ZMYM2: variants seen among roughly 807,000 people sequenced by gnomAD.
ZMYM2 encodes the protein zinc finger MYM-type protein 2.
A neutral mutation model predicts 162.8 loss-of-function variants in ZMYM2; 56 were observed. That is an observed-to-expected ratio of 0.34 (90% CI 0.28 to 0.43). The LOEUF (loss-of-function observed/expected upper bound fraction) is 0.43, where lower values mean the gene tolerates loss of function less well. ZMYM2 is among the 20% of genes least tolerant of loss of function. The pLI, the probability that ZMYM2 is intolerant of heterozygous loss-of-function variation, is 1.00. For synonymous variants in ZMYM2, 510 were observed against 541.6 expected (o/e 0.94, Z 0.81); for missense variants, 1,275 against 1,621.8 (o/e 0.79, Z 3.67).
At chr13:20,000,305 A>C (rs1294820973) in intron 3 of ZMYM2, among the ~76,000 whole-genome samples, 3 of 152,246 alleles carry the variant, frequency 2.0e-5, no homozygotes, top group Non-Finnish European at 4.4e-5. Flanking sequence ...GAAATAAGTC[A>C]TCTCCATAAC....
the ZMYM2 span, among the ~76,000 whole-genome samples, chr13:19,880,495 C>T: frequency 6.6e-6 from 1 of 152,046 alleles, no homozygotes; most frequent in Non-Finnish European, 1.5e-5. Context: ...GTGCCGCGAT[C>T]TCGGCTCACC....
chr13:19,993,039 T>TG, intron 2 of ZMYM2, 24 bp from the exon 3 acceptor site: 1 of 1,540,658 alleles, frequency 6.5e-7, no homozygotes, highest in South Asian at 1.3e-5. Context: ...GACATTTTAA[T>TG]TCTTTTTTCT....
the ZMYM2 span, among the ~76,000 whole-genome samples, chr13:19,914,032 T>G: frequency 6.6e-6 from 1 of 152,152 alleles, no homozygotes; most frequent in South Asian, 2.1e-4. Context: ...GGACAAGGAA[T>G]AGGTTGTTCA....
intron 2 of ZMYM2, among the ~76,000 whole-genome samples, chr13:19,986,367 AAAAC>A (rs1949140404): frequency 6.7e-6 from 1 of 148,696 alleles, no homozygotes; most frequent in African/African-American, 2.6e-5. Context: ...AAAACAAACA[AAAAC>A]AAAAAAAAAA....
chr13:19,933,617 C>G, the ZMYM2 span, among the ~76,000 whole-genome samples: 1 of 152,076 alleles, frequency 6.6e-6, no homozygotes, highest in Admixed American at 6.6e-5. Context: ...GCAAAGGAAG[C>G]AAGAGTGATC....
At chr13:19,948,240 C>T in the ZMYM2 span, among the ~76,000 whole-genome samples, 1 of 152,182 alleles carries the variant, frequency 6.6e-6, no homozygotes, top group Non-Finnish European at 1.5e-5. Context: ...GTTTACCGCT[C>T]TCCTTGGCAT....
chr13:19,975,717 C>T (rs961773637), intron 2 of ZMYM2, among the ~76,000 whole-genome samples: 2 of 152,110 alleles, frequency 1.3e-5, no homozygotes, highest in Admixed American at 6.6e-5. Context: ...AGATTAATAT[C>T]CACATGTGAC....
Position 20,009,652 on chromosome 13 carries a change from A to G in ZMYM2, c.1512+3066A>G, listed in dbSNP as rs369620455. 1.4e-3 allele frequency among the ~76,000 whole-genome samples: 215 copies of G among 152,326 alleles called. 2 individuals are homozygous for G. In the South Asian group the frequency reaches 0.027, roughly 19 times the overall value. On this transcript the variant is annotated intron_variant, in intron 6 of 24. Transcript: ENST00000610343. ...TAGATATTCATGTAAGTGAAATTAT[A>G]TAATATTTGTCTTTTTGCATCTGGG...
intron 6 of ZMYM2, 30 bp from the exon 7 acceptor site, chr13:20,019,517 T>TA: frequency 6.5e-7 from 1 of 1,538,884 alleles, no homozygotes; most frequent in African/African-American, 1.4e-5. Context: ...TTTATGTGTG[T>TA]TTATAAAGTC....
chr13:19,888,204 T>C, the ZMYM2 span, among the ~76,000 whole-genome samples: 1 of 151,614 alleles, frequency 6.6e-6, no homozygotes, highest in African/African-American at 2.4e-5. Flanking sequence ...TTTTGTTTTT[T>C]TTGAGACAGT....
intron 6 of ZMYM2, among the ~76,000 whole-genome samples, chr13:20,019,081 A>C (rs920730546): frequency 8.3e-5 from 1 of 12,120 alleles, no homozygotes; most frequent in Non-Finnish European, 5.2e-4. Flanking sequence ...ACTCCATCTC[A>C]AAAAAAAAAA....
At chr13:19,887,448 G>A in the ZMYM2 span, among the ~76,000 whole-genome samples, 1 of 151,390 alleles carries the variant, frequency 6.6e-6, no homozygotes, top group African/African-American at 2.4e-5. Context: ...AGAATCATTC[G>A]AACCCAGGAG....
At chr13:19,889,853 A>T in the ZMYM2 span, among the ~76,000 whole-genome samples, 2 of 147,784 alleles carry the variant, frequency 1.4e-5, no homozygotes, top group East Asian at 2.0e-4. Flanking sequence ...ACCAATAAGT[A>T]TTTTTTTTTT....
chr13:19,928,219 C>G, the ZMYM2 span, among the ~76,000 whole-genome samples: 1 of 152,176 alleles, frequency 6.6e-6, no homozygotes, highest in East Asian at 1.9e-4. Flanking sequence ...ATCTTGCCCA[C>G]TGTCCTCCAA....
the ZMYM2 span, among the ~76,000 whole-genome samples, chr13:19,900,677 A>G: frequency 6.6e-6 from 1 of 152,278 alleles, no homozygotes; most frequent in Non-Finnish European, 1.5e-5. Context: ...TGATACAAAA[A>G]TCCTCAACTT....
chr13:20,060,975 G>A (rs760800029), intron 16 of ZMYM2, 78 bp from the exon 17 acceptor site: 121 of 1,356,236 alleles, frequency 8.9e-5, no homozygotes, highest in Non-Finnish European at 1.2e-4. Flanking sequence ...AGTAGATCAT[G>A]TGTCAGAGTA....
In ZMYM2 at chr13:20,072,132, A is replaced by G. The variant is rs371037337; in HGVS notation, c.3453+4742A>G. Reference sequence around the variant, plus strand: ...TTCTGGCCGGTTCAGAGAGGAAGACACCATTTTCAAATTGCTTCTGGTGGA... The same window carrying G: ...TTCTGGCCGGTTCAGAGAGGAAGACGCCATTTTCAAATTGCTTCTGGTGGA... On this transcript the variant is annotated intron_variant, in intron 21 of 24. Transcript: ENST00000610343. 1.4e-4 allele frequency: 22 copies of G among 157,156 alleles called. No individual in the cohort carries two copies. In the South Asian group the frequency reaches 1.8e-3, roughly 13 times the overall value. The allele number at this position is 157,156 out of a possible 1,614,324, so 9.7% of individuals were successfully genotyped here.
intron 2 of ZMYM2, among the ~76,000 whole-genome samples, chr13:19,991,927 C>T (rs1949662020): frequency 6.6e-6 from 1 of 152,134 alleles, no homozygotes; most frequent in African/African-American, 2.4e-5. Context: ...TGTAGTCTCC[C>T]TCTGCATGTC....
chr13:19,885,979 A>ATGTGTATACACATATGTG, the ZMYM2 span, among the ~76,000 whole-genome samples: 3 of 34,058 alleles, frequency 8.8e-5, 1 homozygote, highest in East Asian at 2.9e-3. Context: ...ACACATATAT[A>ATGTGTATACACATATGTG]TGTATATACA....
Sources: gnomAD v4.1 joint callset for allele counts (sites outside exome capture counted in the v4.1 genomes callset) on GRCh38, gnomAD v4.1.1 for gene constraint, MANE v1.5 for transcripts, NCBI Gene and HGNC (gene_info 2026-07-23, HGNC 2026-07-21) for gene names.